The following IL1RAPL1 variants were observed in gnomAD, a reference collection of about 807,000 sequenced individuals.
The protein encoded by IL1RAPL1 is interleukin-1 receptor accessory protein-like 1.
A neutral mutation model predicts 48.4 loss-of-function variants in IL1RAPL1; 3 were observed. The observed-to-expected ratio is 0.06, with a 90% CI of 0.03 to 0.16. IL1RAPL1 has a LOEUF of 0.16. Ranked by LOEUF, IL1RAPL1 falls within the 10% of genes least tolerant of loss-of-function variation. IL1RAPL1 has a pLI of 1.00. For synonymous variants in IL1RAPL1, 185 were observed against 187.7 expected (o/e 0.99, Z 0.12); for missense variants, 349 against 530.6 (o/e 0.66, Z 3.36).
Position 29,567,493 on chromosome X carries a change from C to T in IL1RAPL1, c.704-100937C>T, listed in dbSNP as rs73631666. On this transcript the variant is annotated intron_variant, in intron 5 of 10. Transcript: ENST00000378993. ...ACAATGCATTTTTTCTTCCTCCTCT[C>T]GAAAAGAAGTTAAAACTTCTATATT... Among the ~76,000 whole-genome samples the T allele has an allele frequency of 7.6e-3, 843 of 111,609 alleles. 7 individuals are homozygous for T. Among genetic ancestry groups the T allele is most frequent in the African/African-American group, 0.025 (779 of 30,829 alleles).
intron 1 of IL1RAPL1, among the ~76,000 whole-genome samples, chrX:28,771,650 T>C (rs570423936): frequency 4.4e-5 from 5 of 112,388 alleles, no homozygotes; most frequent in African/African-American, 1.6e-4. Context: ...GACATCTTTT[T>C]AACATTCTTA....
At chrX:28,996,225 G>A (rs1925721749) in intron 2 of IL1RAPL1, among the ~76,000 whole-genome samples, 3 of 111,255 alleles carry the variant, frequency 2.7e-5, no homozygotes, top group Non-Finnish European at 5.7e-5. Flanking sequence ...TGTGTCCTTT[G>A]TGACTGGCTT....
chrX:29,552,802 C>CTTTTTTTTTTT (rs765234944), intron 5 of IL1RAPL1, among the ~76,000 whole-genome samples: 6 of 22,990 alleles, frequency 2.6e-4, no homozygotes, highest in South Asian at 4.2e-3. Context: ...TTTCACTCTC[C>CTTTTTTTTTTT]TTTTTTTTTT....
chrX:28,884,615 C>T lies in IL1RAPL1; in HGVS notation c.82+95190C>T, dbSNP rs143763479. Among the ~76,000 whole-genome samples, 538 of 111,490 alleles carry T rather than the reference C, an allele frequency of 4.8e-3. 21 individuals are homozygous for T. In the East Asian group the frequency reaches 0.13, roughly 26 times the overall value. On this transcript the variant is annotated intron_variant, in intron 2 of 10. Transcript: ENST00000378993. The stretch of plus-strand genomic sequence containing the variant: ...CACAGAATCCCAGAGTATCTATATT[C>T]GAAAATATATTTGAAATTATTTTGG...
At chrX:29,232,615 G>A (rs1412965145) in intron 2 of IL1RAPL1, among the ~76,000 whole-genome samples, 4 of 110,965 alleles carry the variant, frequency 3.6e-5, no homozygotes, top group Non-Finnish European at 7.5e-5. Context: ...CCTCCTGATT[G>A]CCTAACATGT....
intron 5 of IL1RAPL1, among the ~76,000 whole-genome samples, chrX:29,624,193 C>T (rs1173048594): frequency 4.5e-5 from 5 of 111,667 alleles, no homozygotes; most frequent in African/African-American, 1.3e-4. Context: ...GTTAATGCTT[C>T]GGATGGGCAG....
chrX:28,879,956 G>A (rs1487720104), intron 2 of IL1RAPL1, among the ~76,000 whole-genome samples: 1 of 111,762 alleles, frequency 8.9e-6, no homozygotes, highest in African/African-American at 3.2e-5. Context: ...CCTCCCAAGT[G>A]AACTTCTCTG....
At chrX:29,938,998 G>C (rs1367545894) in intron 8 of IL1RAPL1, among the ~76,000 whole-genome samples, 1 of 112,120 alleles carries the variant, frequency 8.9e-6, no homozygotes, top group Non-Finnish European at 1.9e-5. Flanking sequence ...CATTTAAGTT[G>C]TCTCTATTTG....
chrX:29,319,867 AATTTT>A (rs1159943769), intron 3 of IL1RAPL1, among the ~76,000 whole-genome samples: 1 of 111,393 alleles, frequency 9.0e-6, no homozygotes, highest in Non-Finnish European at 1.9e-5. Context: ...ATTTTAATTT[AATTTT>A]ATTTTGTTAC....
intron 1 of IL1RAPL1, among the ~76,000 whole-genome samples, chrX:28,718,121 C>G (rs1457655990): frequency 9.0e-6 from 1 of 111,312 alleles, no homozygotes; most frequent in African/African-American, 3.3e-5. Flanking sequence ...AGAAATCATT[C>G]ATTACTTTAA....
intron 2 of IL1RAPL1, among the ~76,000 whole-genome samples, chrX:28,796,073 C>T (rs528761917): frequency 4.5e-5 from 5 of 111,425 alleles, no homozygotes; most frequent in Non-Finnish European, 7.5e-5. Context: ...GGGAAATTCC[C>T]GTTTTCAAAA....
chrX:28,902,833 C>T (rs1027477045), intron 2 of IL1RAPL1, among the ~76,000 whole-genome samples: 1 of 111,322 alleles, frequency 9.0e-6, no homozygotes, highest in Non-Finnish European at 1.9e-5. Context: ...TCAGCAGTGG[C>T]ATTAGATTCT....
intron 2 of IL1RAPL1, among the ~76,000 whole-genome samples, chrX:29,076,303 A>G (rs1927669209): frequency 8.9e-6 from 1 of 111,888 alleles, no homozygotes; most frequent in Non-Finnish European, 1.9e-5. Context: ...TATTAAAAAC[A>G]TGTCTTCAGG....
chrX:29,212,540 C>T (rs1437122359), intron 2 of IL1RAPL1, among the ~76,000 whole-genome samples: 1 of 111,479 alleles, frequency 9.0e-6, no homozygotes, highest in Admixed American at 9.6e-5. Context: ...AACTCCTGAC[C>T]TCAGGTGATC....
Position 29,208,736 on chromosome X carries a change from A to AATAATAATAATAAT in IL1RAPL1, c.83-74201_83-74200insTAATAATAATAATA, listed in dbSNP as rs199568044. On this transcript the variant is annotated intron_variant, in intron 2 of 10. Coordinates refer to ENST00000378993, the MANE Select transcript of IL1RAPL1 (RefSeq NM_014271.4). Reference sequence around the variant, plus strand: ...TAATAATAATAATAATAATAATAATAAATAAATAAATAAATAAAAGTCTTA... The same window carrying AATAATAATAATAAT: ...TAATAATAATAATAATAATAATAATAATAATAATAATAATAATAAATAAATAAATAAAAGTCTTA... 2.9e-4 allele frequency among the ~76,000 whole-genome samples: 24 copies of AATAATAATAATAAT among 81,651 alleles called. No individual in the cohort carries two copies. The Admixed American group carries it at 3.1e-3, about 11-fold the overall frequency. The allele number at this position is 81,651 out of a possible 115,157, so 70.9% of individuals were successfully genotyped here. A position where few individuals can be genotyped will look rare whatever the true frequency, so the allele number is the denominator to read the frequency against.
chrX:29,372,725 T>G (rs768189845), intron 3 of IL1RAPL1, among the ~76,000 whole-genome samples: 2 of 108,999 alleles, frequency 1.8e-5, no homozygotes, highest in South Asian at 8.0e-4. Context: ...GTTGTAGGTG[T>G]GCAGCTTTAT....
chrX:29,148,651 C>T (rs143250755), intron 2 of IL1RAPL1, among the ~76,000 whole-genome samples: 183 of 111,873 alleles, frequency 1.6e-3, no homozygotes, highest in African/African-American at 5.6e-3. Context: ...TACTTGGCAA[C>T]AAAAACCACA....
At chrX:29,477,282 C>G (rs1934988308) in intron 5 of IL1RAPL1, among the ~76,000 whole-genome samples, 1 of 111,647 alleles carries the variant, frequency 9.0e-6, no homozygotes, top group African/African-American at 3.3e-5. Context: ...TCTGGCATAG[C>G]AGAAGTTTTC....
At chrX:29,028,185 C>T (rs753347806) in intron 2 of IL1RAPL1, among the ~76,000 whole-genome samples, 2 of 110,042 alleles carry the variant, frequency 1.8e-5, no homozygotes, top group Non-Finnish European at 3.8e-5. Flanking sequence ...AACAATAGAT[C>T]GCTTGGACTT....
Sources: gnomAD v4.1 joint callset for allele counts (sites outside exome capture counted in the v4.1 genomes callset) on GRCh38, gnomAD v4.1.1 for gene constraint, MANE v1.5 for transcripts, NCBI Gene and HGNC (gene_info 2026-07-23, HGNC 2026-07-21) for gene names.